The following LRRIQ4 variants were observed in gnomAD, a reference collection of about 807,000 sequenced individuals.
The protein encoded by LRRIQ4 is leucine rich repeats and IQ motif containing 4.
Under a neutral mutation model 40.1 loss-of-function variants are expected in LRRIQ4, and 21 were observed. The ratio of observed to expected loss-of-function variants is 0.52; its 90% CI spans 0.37 to 0.75. The LOEUF (loss-of-function observed/expected upper bound fraction) is 0.75. Ranked by LOEUF, LRRIQ4 falls within the 30% of genes least tolerant of loss-of-function variation. The probability of loss-of-function intolerance (pLI) is 0.00; values close to 1 mark genes in which losing one functional copy is unlikely to be tolerated. For missense variants in LRRIQ4, 655 were observed against 660.0 expected (o/e 0.99, Z 0.08); for synonymous variants, 277 against 277.1 (o/e 1.00, Z 0.00).
At position 169,830,588 on chromosome 3, in the gene LRRIQ4, A is replaced by G. The variant is rs1422842454; in HGVS notation, c.1291A>G (p.Asn431Asp). ...CCTAGAAGTTCTTGATTGCCGGCAC[A>G]ATTTGCTTAAGCAACTTCCAGATGC... Reference protein sequence around the residue: ...PNLEVLDCRHNLLKQLPDAIC... With the variant: ...PNLEVLDCRHDLLKQLPDAIC... The change falls in exon 4 of 6, where the codon AAT (asparagine) becomes GAT (aspartate). Residue 431 changes from asparagine to aspartate, a missense_variant. Physicochemically the swap from Asn to Asp is conservative, Grantham distance 23 (BLOSUM62 1). Coordinates refer to ENST00000340806, the MANE Select transcript of LRRIQ4 (RefSeq NM_001080460.3). 3 of 1,613,874 alleles carry G rather than the reference A, an allele frequency of 1.9e-6. No homozygotes were observed. The South Asian group carries it at 3.3e-5, about 18-fold the overall frequency.
At position 169,822,409 on chromosome 3, in the gene LRRIQ4, AC is replaced by A; in HGVS notation, c.490del (p.Gln164ArgfsTer4). 1 of 1,613,224 alleles carries A rather than the reference AC, an allele frequency of 6.2e-7. No homozygotes were observed. The highest frequency in any genetic ancestry group is 8.5e-7 in the Non-Finnish European group (1 of 1,179,582). ...HLKCLPKEIV[N>X]QTKLREIYLK... Reference sequence around the variant, plus strand: ...AAATGTCTGCCCAAGGAAATAGTGAACCAGACCAAGCTGAGGGAGATCTACC... The same window carrying A: ...AAATGTCTGCCCAAGGAAATAGTGAACAGACCAAGCTGAGGGAGATCTACC... On this transcript the variant is annotated frameshift_variant, in exon 2 of 6. Transcript: ENST00000340806. LOFTEE classifies it high-confidence loss of function.
chr3:169,831,806 A>G (rs866060037), intron 4 of LRRIQ4, among the ~76,000 whole-genome samples: 2 of 151,378 alleles, frequency 1.3e-5, no homozygotes, highest in African/African-American at 4.9e-5. Flanking sequence ...CATCTCTACT[A>G]AAAATACAAA....
chr3:169,830,431 T>G, intron 3 of LRRIQ4, 61 bp from the exon 4 acceptor site: 1 of 737,552 alleles, frequency 1.4e-6, no homozygotes, highest in Non-Finnish European at 1.9e-6. Context: ...CCACAGGTGA[T>G]TCTGGTTATT....
At chr3:169,837,443 C>T in intron 5 of LRRIQ4, 36 bp from the exon 6 acceptor site, 1 of 1,579,596 alleles carries the variant, frequency 6.3e-7, no homozygotes, top group South Asian at 1.2e-5. Context: ...ATTGTGATAC[C>T]AGCCGATGCT....
intron 2 of LRRIQ4, among the ~76,000 whole-genome samples, chr3:169,826,212 C>T (rs1384307963): frequency 1.3e-5 from 2 of 151,668 alleles, no homozygotes; most frequent in Non-Finnish European, 2.9e-5. Context: ...GCCAACGTGG[C>T]GAAACCCCAT....
chr3:169,822,548 C>T lies in LRRIQ4; in HGVS notation c.627C>T (p.His209=). The stretch of plus-strand genomic sequence containing the variant: ...GTGCCATCCCAGAAGAGATCGGACA[C>T]CTGACGGGGCTGCAGAAGTTCTATA... The part of the protein sequence containing the change: ...KIGAIPEEIG[H]LTGLQKFYMA... The change falls in exon 2 of 6, where the codon CAC becomes CAT. Residue 209 remains histidine, a synonymous_variant. Transcript: ENST00000340806. 6.2e-7 allele frequency: 1 copy of T among 1,613,884 alleles called. No homozygotes were observed. Among genetic ancestry groups the T allele is most frequent in the Non-Finnish European group, 8.5e-7 (1 of 1,179,816 alleles).
At chr3:169,831,894 G>T (rs1234743152) in intron 4 of LRRIQ4, among the ~76,000 whole-genome samples, 1 of 151,494 alleles carries the variant, frequency 6.6e-6, no homozygotes, top group Non-Finnish European at 1.5e-5. Flanking sequence ...TTGAATCCGG[G>T]AGGCAGAGGT....
chr3:169,816,878 C>G (rs1475401423), intron 1 of LRRIQ4, among the ~76,000 whole-genome samples: 1 of 152,004 alleles, frequency 6.6e-6, no homozygotes, highest in East Asian at 1.9e-4. Context: ...ACCATGTTGG[C>G]CAAGCTGGTC....
At chr3:169,837,295 A>AT (rs1429646789) in intron 5 of LRRIQ4, among the ~76,000 whole-genome samples, 184 bp from the exon 6 acceptor site, 2 of 152,234 alleles carry the variant, frequency 1.3e-5, no homozygotes, top group Admixed American at 1.3e-4. Flanking sequence ...CAATAAATGC[A>AT]TTTTTTAAAA....
intron 1 of LRRIQ4, among the ~76,000 whole-genome samples, 179 bp from the exon 2 acceptor site, chr3:169,821,712 G>A (rs375394343): frequency 2.0e-5 from 3 of 151,980 alleles, no homozygotes; most frequent in African/African-American, 7.2e-5. Context: ...TACGTGTTAG[G>A]GGAAGGAGTC....
intron 2 of LRRIQ4, among the ~76,000 whole-genome samples, chr3:169,825,721 A>G (rs1404061930): frequency 6.6e-6 from 1 of 152,240 alleles, no homozygotes; most frequent in Non-Finnish European, 1.5e-5. Flanking sequence ...AGCTTCATCC[A>G]ATACCAAGTT....
In LRRIQ4 at chr3:169,831,412, T is replaced by A. The variant is rs1780171815; in HGVS notation, c.1333+782T>A. ...CCTCAGCCTCCTGAGTAGCTGGAAC[T>A]ACAGGCGCCCGCCACCACGCCCGGC... On this transcript the variant is annotated intron_variant, in intron 4 of 5. Transcript: ENST00000340806. 2.2e-5 allele frequency among the ~76,000 whole-genome samples: 3 copies of A among 136,626 alleles called. No individual in the cohort carries two copies. The Admixed American group carries it at 2.3e-4, about 10-fold the overall frequency. 89.6% of individuals were successfully genotyped at this position (136,626 alleles called of 152,430 possible).
chr3:169,836,723 C>G (rs141961682), intron 5 of LRRIQ4, among the ~76,000 whole-genome samples: 6 of 152,114 alleles, frequency 3.9e-5, no homozygotes, highest in Admixed American at 2.0e-4. Context: ...CTTGAAGCAG[C>G]GGAGGGGTGA....
intron 5 of LRRIQ4, 75 bp from the exon 6 acceptor site, chr3:169,837,404 G>A (rs952950350): frequency 6.8e-7 from 1 of 1,464,114 alleles, no homozygotes; most frequent in Non-Finnish European, 9.2e-7. Context: ...CCATGTATCA[G>A]AATAAAGAGA....
At chr3:169,815,543 G>C (rs772438293) in intron 1 of LRRIQ4, among the ~76,000 whole-genome samples, 2 of 152,068 alleles carry the variant, frequency 1.3e-5, no homozygotes, top group Admixed American at 6.5e-5. Flanking sequence ...TTTTGGTGGA[G>C]TCTTAAGGAT....
At chr3:169,829,984 A>T (rs1780125179) in intron 3 of LRRIQ4, among the ~76,000 whole-genome samples, 1 of 152,180 alleles carries the variant, frequency 6.6e-6, no homozygotes, top group South Asian at 2.1e-4. Context: ...GTCATGCCAC[A>T]ATCTTAGGGT....
chr3:169,833,175 G>A lies in LRRIQ4; in HGVS notation c.1522G>A (p.Ala508Thr). 1 of 1,612,198 alleles carries A rather than the reference G, an allele frequency of 6.2e-7. No homozygotes were observed. The highest frequency in any genetic ancestry group is 8.5e-7 in the Non-Finnish European group (1 of 1,179,140). ...LKENRNRNIM[A>T]TKIQAWWRGT... The stretch of plus-strand genomic sequence containing the variant: ...GGAAAACAGAAACAGGAATATAATG[G>A]CAACAAAGGTAAAATCAGCCCAGAT... The change falls in exon 5 of 6, where the codon GCA becomes ACA. Residue 508 changes from alanine (A) to threonine (T), a missense_variant. By Grantham distance (58) the Ala-to-Thr change is moderately conservative. Transcript: ENST00000340806.
chr3:169,830,381 A>AAAAAAAAAT (rs1780137630), intron 3 of LRRIQ4, 111 bp from the exon 4 acceptor site: 1 of 208,742 alleles, frequency 4.8e-6, no homozygotes, highest in African/African-American at 5.2e-5. Flanking sequence ...GAAAGTGAAA[A>AAAAAAAAAT]AAAAAAAAAA....
Position 169,822,783 on chromosome 3 carries a change from G to A in LRRIQ4, c.862G>A (p.Gly288Arg), listed in dbSNP as rs1400307371. Residue 288 changes from glycine to arginine, a missense_variant, in exon 2 of 6, where the codon GGA becomes AGA. Transcript: ENST00000340806. ...RWTSLHLLYLGNTGLHRLRGS... is the reference protein window; with the variant it reads ...RWTSLHLLYLRNTGLHRLRGS... The stretch of plus-strand genomic sequence containing the variant: ...GACCTCGCTGCACCTGCTCTACCTG[G>A]GAAACACCGGCCTGCACAGGCTGCG... The A allele has an allele frequency of 6.2e-7, 1 of 1,613,676 alleles. No individual in the cohort carries two copies.
Sources: gnomAD v4.1 joint callset for allele counts (sites outside exome capture counted in the v4.1 genomes callset) on GRCh38, gnomAD v4.1.1 for gene constraint, MANE v1.5 for transcripts, NCBI Gene and HGNC (gene_info 2026-07-23, HGNC 2026-07-21) for gene names.